The following ANKRD35 variants were observed in gnomAD, a reference collection of about 807,000 sequenced individuals.
The protein encoded by ANKRD35 is ankyrin repeat domain 35.
Under a neutral mutation model 109.9 loss-of-function variants are expected in ANKRD35, and 102 were observed. The observed-to-expected ratio is 0.93, with a 90% CI of 0.79 to 1.09. ANKRD35 has a LOEUF of 1.09. Among genes scored for constraint, ANKRD35 ranks in the 50% least tolerant of loss-of-function variants. The probability of loss-of-function intolerance (pLI) is 0.00; values close to 1 mark genes in which losing one functional copy is unlikely to be tolerated. For missense variants in ANKRD35, 1,240 were observed against 1,230.1 expected (o/e 1.01, Z -0.12); for synonymous variants, 515 against 512.4 (o/e 1.01, Z -0.07).
chr1:145,884,720 A>G (rs990324016), intron 1 of ANKRD35, among the ~76,000 whole-genome samples: 9 of 70,748 alleles, frequency 1.3e-4, no homozygotes, highest in African/African-American at 5.4e-4. Flanking sequence ...TTCTCTCATC[A>G]TCACTTTCCC....
chr1:145,878,548 A>G (rs1654171033), intron 2 of ANKRD35, 69 bp from the exon 3 acceptor site: 2 of 1,435,896 alleles, frequency 1.4e-6, no homozygotes, highest in East Asian at 2.5e-5. Context: ...GAATCTTGAT[A>G]AGCCCTTCTT....
chr1:145,876,634 A>G lies in ANKRD35; in HGVS notation c.388T>C (p.Ser130Pro). The change falls in exon 6 of 14, where the codon TCT (serine) becomes CCT (proline). Residue 130 changes from serine (S) to proline (P), a missense_variant. Physicochemically the swap from Ser to Pro is moderately conservative, Grantham distance 74. Coordinates refer to ENST00000355594, the MANE Select transcript of ANKRD35 (RefSeq NM_144698.5). Reference protein sequence around the residue: ...NRSPLHWAASSGCASSVLLLC... With the variant: ...NRSPLHWAASPGCASSVLLLC... ...AGGAGCACACTTGAGGCACAGCCAGAGGAGGCTGGGGAGAAGATGTTTGGG... is the reference window on the plus strand; with the variant it reads ...AGGAGCACACTTGAGGCACAGCCAGGGGAGGCTGGGGAGAAGATGTTTGGG... 4 of 1,614,178 alleles carry G rather than the reference A, an allele frequency of 2.5e-6. No individual in the cohort carries two copies. In the South Asian group the frequency reaches 3.3e-5, roughly 13 times the overall value.
In ANKRD35 at chr1:145,872,324, G is replaced by A. The variant is rs587595526; in HGVS notation, c.2445C>T (p.Tyr815=). 445 of 1,612,986 alleles carry A rather than the reference G, an allele frequency of 2.8e-4. 5 individuals carry two copies. The South Asian group carries it at 4.7e-3, about 17-fold the overall frequency. ...GCTCAGCCACTTCCTCTGTGGCTTGGTAGAGCAGCTGCTTCAGCTTTCCGA... is the reference window on the plus strand; with the variant it reads ...GCTCAGCCACTTCCTCTGTGGCTTGATAGAGCAGCTGCTTCAGCTTTCCGA... The part of the protein sequence containing the change: ...QEIGKLKQLL[Y]QATEEVAELR... Residue 815 remains tyrosine (Y), a synonymous_variant, in exon 10 of 14, where the codon TAC becomes TAT. Transcript: ENST00000355594.
rs1553739219 is a variant in ANKRD35, at chr1:145,873,061, C to T, written c.1708G>A (p.Ala570Thr). The T allele has an allele frequency of 6.2e-7, 1 of 1,611,856 alleles. No individual in the cohort carries two copies. The highest frequency in any genetic ancestry group is 8.5e-7 in the Non-Finnish European group (1 of 1,179,004). The change falls in exon 10 of 14, where the codon GCC (alanine) becomes ACC (threonine). Residue 570 changes from alanine (A) to threonine (T), a missense_variant. Ala to Thr is a moderately conservative substitution (Grantham distance 58). Transcript: ENST00000355594. ...ATGCTCCCTGGGGCTGCCTTTAGGG[C>T]TCCCTCTCTGGACTCCTGGGAAGGA... is the stretch of plus-strand genomic sequence containing the variant. ...EVPSQESREG[A>T]LKAAPGSIKQ...
intron 1 of ANKRD35, among the ~76,000 whole-genome samples, chr1:145,884,924 C>T (rs587676889): frequency 2.6e-5 from 4 of 152,310 alleles, no homozygotes; most frequent in African/African-American, 9.6e-5. Flanking sequence ...CTCTGGGGAG[C>T]AGTCAGGCAA....
chr1:145,882,234 G>A (rs1354801863), intron 1 of ANKRD35, among the ~76,000 whole-genome samples: 3 of 150,520 alleles, frequency 2.0e-5, no homozygotes, highest in East Asian at 2.0e-4. Flanking sequence ...GATTACAAGC[G>A]TGAGCCACCG....
chr1:145,872,176 G>A lies in ANKRD35; in HGVS notation c.2593C>T (p.Arg865Trp), dbSNP rs1653851422. 2 of 1,609,036 alleles carry A rather than the reference G, an allele frequency of 1.2e-6. No homozygotes were observed. The highest frequency in any genetic ancestry group is 2.2e-5 in the East Asian group (1 of 44,762). Residue 865 changes from arginine (R) to tryptophan (W), a missense_variant, in exon 10 of 14, where the codon CGG becomes TGG. Transcript: ENST00000355594. The stretch of plus-strand genomic sequence containing the variant: ...GCCTCCCGCAGCCGACCCACTTCCC[G>A]GCAGGCCGTATTATACTTTTCCAAC... ...ALLEKYNTAC[R>W]EVGRLREAVA...
Position 145,873,925 on chromosome 1 carries a change from C to G in ANKRD35, c.844G>C (p.Glu282Gln). 3.1e-6 allele frequency: 5 copies of G among 1,614,218 alleles called. No individual in the cohort carries two copies. The highest frequency in any genetic ancestry group is 1.7e-4 in the Middle Eastern group (1 of 6,056). The change falls in exon 10 of 14, where the codon GAA (glutamate) becomes CAA (glutamine). Residue 282 changes from glutamate (E) to glutamine (Q), a missense_variant. Glu to Gln is a conservative substitution (Grantham distance 29). Coordinates refer to ENST00000355594, the MANE Select transcript of ANKRD35 (RefSeq NM_144698.5). ...PPKSSWRAEPEEEQEEKEDED... is the reference protein window; with the variant it reads ...PPKSSWRAEPQEEQEEKEDED... Reference sequence around the variant, plus strand: ...TCCTCCTTCTCCTCTTGCTCCTCTTCAGGCTCTGCTCTCCATGAGCTCTTA... The same window carrying G: ...TCCTCCTTCTCCTCTTGCTCCTCTTGAGGCTCTGCTCTCCATGAGCTCTTA...
At chr1:145,875,124 C>T in intron 7 of ANKRD35, 118 bp from the exon 8 acceptor site, 1 of 960,384 alleles carries the variant, frequency 1.0e-6, no homozygotes, top group Non-Finnish European at 1.5e-6. Flanking sequence ...AACAACAGAC[C>T]AACATTAGAC....
In ANKRD35 at chr1:145,872,585, C is replaced by G; in HGVS notation, c.2184G>C (p.Glu728Asp). 3 of 1,612,678 alleles carry G rather than the reference C, an allele frequency of 1.9e-6. No individual in the cohort carries two copies. Among genetic ancestry groups the G allele is most frequent in the Non-Finnish European group, 2.5e-6 (3 of 1,179,352 alleles). ...AQSKAAESLE[E>D]LRACISTLVD... is the part of the protein sequence containing the mutation. Reference sequence around the variant, plus strand: ...CCAGGGTGCTGATGCAGGCCCGCAGCTCCTCCAGGGACTCCGCTGCTTTGC... The same window carrying G: ...CCAGGGTGCTGATGCAGGCCCGCAGGTCCTCCAGGGACTCCGCTGCTTTGC... The change falls in exon 10 of 14, where the codon GAG (glutamate) becomes GAC (aspartate). Residue 728 changes from glutamate (E) to aspartate (D), a missense_variant. Coordinates refer to ENST00000355594, the MANE Select transcript of ANKRD35 (RefSeq NM_144698.5).
intron 11 of ANKRD35, 113 bp from the exon 12 acceptor site, chr1:145,868,169 GC>G: frequency 6.9e-7 from 1 of 1,449,340 alleles, no homozygotes; most frequent in Non-Finnish European, 9.7e-7. Context: ...CCCATCACTG[GC>G]CCATCCTGGA....
intron 10 of ANKRD35, among the ~76,000 whole-genome samples, chr1:145,870,946 C>T (rs1553738478): frequency 1.3e-5 from 2 of 151,698 alleles, no homozygotes; most frequent in African/African-American, 4.8e-5. Context: ...GACCATGTAT[C>T]CAAGTTTTAA....
At chr1:145,877,872 T>G in intron 4 of ANKRD35, 96 bp downstream of exon 4, 1 of 1,243,076 alleles carries the variant, frequency 8.0e-7, no homozygotes, top group Non-Finnish European at 1.2e-6. Context: ...GGCGAGTACA[T>G]TTGGCCAACT....
chr1:145,872,929 C>G lies in ANKRD35; in HGVS notation c.1840G>C (p.Glu614Gln), dbSNP rs782680168. The stretch of plus-strand genomic sequence containing the variant: ...AGTCTCAGTACTGACATCTCCTTCT[C>G]CAGCTGTCCCTTTGCCAGGCCTCCT... ...ALGGLAKGQL[E>Q]KEMSVLRLSN... is the part of the protein sequence containing the mutation. The change falls in exon 10 of 14, where the codon GAG (glutamate) becomes CAG (glutamine). Residue 614 changes from glutamate (E) to glutamine (Q), a missense_variant. Glu to Gln is a conservative substitution (Grantham distance 29, BLOSUM62 2). Coordinates refer to ENST00000355594, the MANE Select transcript of ANKRD35 (RefSeq NM_144698.5). 5.6e-6 allele frequency: 9 copies of G among 1,612,186 alleles called. No homozygotes were observed. Among genetic ancestry groups the G allele is most frequent in the Admixed American group, 5.0e-5 (3 of 59,922 alleles).
chr1:145,869,980 G>A (rs1404864936), intron 10 of ANKRD35, among the ~76,000 whole-genome samples: 1 of 152,128 alleles, frequency 6.6e-6, no homozygotes, highest in Non-Finnish European at 1.5e-5. Flanking sequence ...GGCTTATTGA[G>A]GCAGAGGCAC....
At position 145,879,389 on chromosome 1, in the gene ANKRD35, C is replaced by A. The variant is rs375364973; in HGVS notation, c.40-1G>T. ...GATCATGGCGGTTCCATCTCTCCACCTGGTCCAGAGCCACAGGTTGTGTGA... is the reference window on the plus strand; with the variant it reads ...GATCATGGCGGTTCCATCTCTCCACATGGTCCAGAGCCACAGGTTGTGTGA... On this transcript the variant is annotated splice_acceptor_variant, in intron 1 of 13. Coordinates refer to ENST00000355594, the MANE Select transcript of ANKRD35 (RefSeq NM_144698.5). LOFTEE classifies it high-confidence loss of function. The A allele has an allele frequency of 6.4e-7, 1 of 1,569,386 alleles. No individual in the cohort carries two copies. The highest frequency in any genetic ancestry group is 2.4e-5 in the East Asian group (1 of 42,304).
chr1:145,882,546 A>C (rs1447445911), intron 1 of ANKRD35, among the ~76,000 whole-genome samples: 3 of 147,956 alleles, frequency 2.0e-5, no homozygotes. Context: ...TCCGCACCTC[A>C]GCCTCCCAAA....
At chr1:145,870,699 T>C (rs1653777456) in intron 10 of ANKRD35, among the ~76,000 whole-genome samples, 1 of 150,606 alleles carries the variant, frequency 6.6e-6, no homozygotes, top group Non-Finnish European at 1.5e-5. Context: ...ATAGAAAACA[T>C]ACATTCTTTT....
At chr1:145,867,127 C>T (rs1653634464) in intron 13 of ANKRD35, among the ~76,000 whole-genome samples, 160 bp downstream of exon 13, 1 of 152,150 alleles carries the variant, frequency 6.6e-6, no homozygotes, top group Admixed American at 6.5e-5. Flanking sequence ...CAGTGATTCT[C>T]CATGTTCTGT....
Sources: allele counts gnomAD v4.1 joint callset (sites outside exome capture counted in the v4.1 genomes callset), GRCh38; gene constraint gnomAD v4.1.1; transcripts MANE v1.5; gene names NCBI Gene and HGNC (gene_info 2026-07-23, HGNC 2026-07-21).